Variants in SERINC4 observed in about 807,000 individuals in gnomAD.
SERINC4 encodes serine incorporator 4.
A neutral mutation model predicts 52.0 loss-of-function variants in SERINC4; 52 were observed. That is an observed-to-expected ratio of 1.00 (90% CI 0.80 to 1.26). SERINC4 has a LOEUF of 1.26. SERINC4 is among the 50% of genes most tolerant of loss of function. SERINC4 has a pLI of 0.00. For missense variants in SERINC4, 723 were observed against 632.8 expected (o/e 1.14, Z -1.53); for synonymous variants, 264 against 247.7 (o/e 1.07, Z -0.62).
At chr15:43,796,295 A>C in intron 8 of SERINC4, 68 bp from the exon 9 acceptor site, 2 of 1,206,374 alleles carry the variant, frequency 1.7e-6, no homozygotes, top group Non-Finnish European at 2.5e-6. Flanking sequence ...TTTACTACCA[A>C]TTGGTCCATA....
intron 9 of SERINC4, 89 bp from the exon 10 acceptor site, chr15:43,795,825 G>C (rs564958222): frequency 5.8e-6 from 8 of 1,373,120 alleles, no homozygotes; most frequent in Non-Finnish European, 8.0e-6. Flanking sequence ...GATTGGTCTA[G>C]TATTAAAAAG....
At chr15:43,797,630 A>T in intron 5 of SERINC4, 1 of 512,002 alleles carries the variant, frequency 2.0e-6, no homozygotes. Flanking sequence ...TGACCTCATG[A>T]TCCACCCACC....
chr15:43,796,529 A>C, intron 8 of SERINC4, 87 bp downstream of exon 8: 1 of 1,441,834 alleles, frequency 6.9e-7, no homozygotes. Flanking sequence ...CTAAACTTTA[A>C]ATAATGGTCC....
At chr15:43,798,573 G>T (rs1356762881) in intron 3 of SERINC4, 69 bp from the exon 4 acceptor site, 2 of 1,220,772 alleles carry the variant, frequency 1.6e-6, no homozygotes, top group East Asian at 2.3e-5. Context: ...GTGCCTATGG[G>T]GAAAGGCAAA....
chr15:43,795,414 G>A lies in SERINC4; in HGVS notation c.1317C>T (p.Val439=), dbSNP rs532961414. The A allele has an allele frequency of 3.7e-6, 6 of 1,614,198 alleles. No individual in the cohort carries two copies. In the African/African-American group the frequency reaches 6.7e-5, roughly 18 times the overall value. The change falls in exon 11 of 12, where the codon GTC becomes GTT. Residue 439 remains valine (V), a synonymous_variant. Coordinates refer to ENST00000319327, the MANE Select transcript of SERINC4 (RefSeq NM_001258031.2). ...TGAACCAGTTGGTAAGGGTAACCAT[G>A]ACATAGAGTGAGGCAAGGAAGAAGA... ...HFVFFLASLY[V]MVTLTNWFSY... is the part of the protein sequence containing the mutation.
rs1453957245 is a variant in SERINC4 at position 43,795,090 on chromosome 15, A to C, written c.1467T>G (p.Cys489Trp). The C allele has an allele frequency of 7.4e-6, 12 of 1,613,848 alleles. No individual in the cohort carries two copies. The highest frequency in any genetic ancestry group is 1.0e-5 in the Non-Finnish European group (12 of 1,179,996). The part of the protein sequence containing the change: ...LYLGLLLAPL[C>W]WPPTQKPQPL... ...GCTGGGGTTTCTGGGTGGGGGGCCA[A>C]CAGAGTGGTGCCAGTAACAGCCCCA... The change falls in exon 12 of 12, where the codon TGT (cysteine) becomes TGG (tryptophan). Residue 489 changes from cysteine (C) to tryptophan (W), a missense_variant. Transcript: ENST00000319327.
At chr15:43,799,600 C>G (rs1228332455) in intron 1 of SERINC4, 114 bp from the exon 2 acceptor site, 12 of 1,301,224 alleles carry the variant, frequency 9.2e-6, no homozygotes, top group Non-Finnish European at 1.1e-6. Flanking sequence ...TCCCCTTCCC[C>G]TTTCTTCCTT....
Position 43,795,086 on chromosome 15 carries a change from G to A in SERINC4, c.1471C>T (p.Pro491Ser), listed in dbSNP as rs2087174077. 1 of 1,613,636 alleles carries A rather than the reference G, an allele frequency of 6.2e-7. No homozygotes were observed. Among genetic ancestry groups the A allele is most frequent in the African/African-American group, 1.3e-5 (1 of 74,990 alleles). ...AGGGGCTGGGGTTTCTGGGTGGGGG[G>A]CCAACAGAGTGGTGCCAGTAACAGC... is the stretch of plus-strand genomic sequence containing the variant. The part of the protein sequence containing the change: ...LGLLLAPLCW[P>S]PTQKPQPLIL... The change falls in exon 12 of 12, where the codon CCC (proline) becomes TCC (serine). Residue 491 changes from proline to serine, a missense_variant. Transcript: ENST00000319327.
At chr15:43,797,613 A>G in intron 5 of SERINC4, 1 of 510,286 alleles carries the variant, frequency 2.0e-6, no homozygotes, top group Non-Finnish European at 3.5e-6. Flanking sequence ...GGCTGGTCTC[A>G]AACTCCTGAC....
chr15:43,796,268 G>C (rs746434655), intron 8 of SERINC4, 41 bp from the exon 9 acceptor site: 1 of 1,470,526 alleles, frequency 6.8e-7, no homozygotes, highest in Non-Finnish European at 9.5e-7. Context: ...TAGTTAAATA[G>C]GGATTATCTG....
chr15:43,797,843 C>T, intron 5 of SERINC4, 77 bp downstream of exon 5: 1 of 1,003,564 alleles, frequency 1.0e-6, no homozygotes. Flanking sequence ...CTCTGCCGTG[C>T]CTTTTGCCCA....
chr15:43,795,889 A>C, intron 9 of SERINC4, 153 bp from the exon 10 acceptor site: 1 of 742,816 alleles, frequency 1.3e-6, no homozygotes, highest in Non-Finnish European at 2.2e-6. Context: ...GGCTGTGCAG[A>C]CTTTGGTAAG....
At chr15:43,798,678 T>TA in intron 3 of SERINC4, 174 bp from the exon 4 acceptor site, 1 of 629,310 alleles carries the variant, frequency 1.6e-6, no homozygotes, top group Non-Finnish European at 2.8e-6. Flanking sequence ...TACTGCACCT[T>TA]ATTCCAAATT....
At position 43,795,064 on chromosome 15, in the gene SERINC4, G is replaced by T; in HGVS notation, c.1493C>A (p.Pro498His). The change falls in exon 12 of 12, where the codon CCC (proline) becomes CAC (histidine). Residue 498 changes from proline (P) to histidine (H), a missense_variant. Coordinates refer to ENST00000319327, the MANE Select transcript of SERINC4 (RefSeq NM_001258031.2). The stretch of plus-strand genomic sequence containing the variant: ...GTGGCGGCGGCGCCTCAAGATAAGG[G>T]GCTGGGGTTTCTGGGTGGGGGGCCA... ...LCWPPTQKPQ[P>H]LILRRRRHRI... The T allele has an allele frequency of 6.2e-7, 1 of 1,613,494 alleles. No homozygotes were observed. The highest frequency in any genetic ancestry group is 8.5e-7 in the Non-Finnish European group (1 of 1,180,018).
At chr15:43,798,141 C>T in intron 4 of SERINC4, 128 bp from the exon 5 acceptor site, 1 of 684,016 alleles carries the variant, frequency 1.5e-6, no homozygotes. Flanking sequence ...CCTCTGCCTC[C>T]CGGGTTCAAG....
chr15:43,796,996 A>AC, intron 6 of SERINC4, 56 bp from the exon 7 acceptor site: 2 of 1,516,470 alleles, frequency 1.3e-6, no homozygotes, highest in Non-Finnish European at 9.2e-7. Flanking sequence ...CTCCATTTCT[A>AC]CCCCCACTTG....
chr15:43,799,646 T>C (rs2087281007), intron 1 of SERINC4, 160 bp from the exon 2 acceptor site: 5 of 996,786 alleles, frequency 5.0e-6, no homozygotes, highest in Middle Eastern at 2.0e-4. Context: ...TTCCAGCCAT[T>C]TGGGATTGCC....
At position 43,795,192 on chromosome 15, in the gene SERINC4, T is replaced by C. The variant is rs547879160; in HGVS notation, c.1365A>G (p.Glu455=). 1.1e-5 allele frequency: 18 copies of C among 1,614,108 alleles called. No individual in the cohort carries two copies. In the East Asian group the frequency reaches 3.8e-4, roughly 34 times the overall value. Residue 455 remains glutamate, a synonymous_variant, in exon 12 of 12, where the codon GAA becomes GAG. Transcript: ENST00000319327. ...CCCAGCTACCCTTGATGAAGGTCTT[T>C]TCCAGTTCTGCTCCCTCATAGCTGT... ...NWFSYEGAEL[E]KTFIKGSWAT...
chr15:43,797,688 G>A, intron 5 of SERINC4: 1 of 543,190 alleles, frequency 1.8e-6, no homozygotes, highest in East Asian at 3.2e-5. Flanking sequence ...ACCGTGCCCA[G>A]CTGGAGCTCC....
Sources: gnomAD v4.1 joint callset for allele counts on GRCh38, gnomAD v4.1.1 for gene constraint, MANE v1.5 for transcripts, NCBI Gene and HGNC (gene_info 2026-07-23, HGNC 2026-07-21) for gene names.